Variants in ZFAND3 observed in about 807,000 individuals in gnomAD.
The protein encoded by ZFAND3 is AN1-type zinc finger protein 3.
In ZFAND3, 10 loss-of-function variants were observed where a neutral mutation model predicts 29.6. The observed-to-expected ratio is 0.34, with a 90% CI of 0.21 to 0.57. The LOEUF is 0.57. Among genes scored for constraint, ZFAND3 ranks in the 20% least tolerant of loss-of-function variants. The probability of loss-of-function intolerance (pLI) is 0.86; values close to 1 mark genes in which losing one functional copy is unlikely to be tolerated. For synonymous variants in ZFAND3, 128 were observed against 112.6 expected (o/e 1.14, Z -0.87); for missense variants, 230 against 304.5 (o/e 0.76, Z 1.82).
At chr6:38,003,691 A>C in intron 2 of ZFAND3, 2 of 304,212 alleles carry the variant, frequency 6.6e-6, no homozygotes, top group Non-Finnish European at 1.3e-5. Context: ...TTTTTTGTAG[A>C]GACGGGGTTT....
intron 3 of ZFAND3, among the ~76,000 whole-genome samples, chr6:38,065,489 A>T (rs1289105892): frequency 6.6e-6 from 1 of 152,240 alleles, no homozygotes; most frequent in East Asian, 1.9e-4. Flanking sequence ...TAATAATGTT[A>T]GCTCACATTT....
rs780272611 is a variant in ZFAND3 at position 38,010,296 on chromosome 6, A to T, written c.113-51297A>T. The stretch of plus-strand genomic sequence containing the variant: ...GTACGCAGAAAAAAAACAGGTGTGC[A>T]TGGGGAGAAGGTGTGAACCATATAG... On this transcript the variant is annotated intron_variant, in intron 2 of 5. Coordinates refer to ENST00000287218, the MANE Select transcript of ZFAND3 (RefSeq NM_021943.3). Among the ~76,000 whole-genome samples the T allele has an allele frequency of 3.3e-5, 5 of 152,192 alleles. No homozygotes were observed. The East Asian group carries it at 9.6e-4, about 29-fold the overall frequency.
At chr6:38,045,702 G>A (rs1763889533) in intron 2 of ZFAND3, among the ~76,000 whole-genome samples, 1 of 152,042 alleles carries the variant, frequency 6.6e-6, no homozygotes, top group Admixed American at 6.6e-5. Flanking sequence ...GAGTAGTTGA[G>A]TAAAAAATAT....
intron 5 of ZFAND3, among the ~76,000 whole-genome samples, chr6:38,119,930 G>A (rs548401452): frequency 6.6e-6 from 1 of 152,254 alleles, no homozygotes; most frequent in Admixed American, 6.5e-5. Context: ...TTTTGAATAC[G>A]AATTCTCCTC....
Position 37,927,496 on chromosome 6 carries a change from T to C in ZFAND3, c.72-2463T>C, listed in dbSNP as rs575024324. Reference sequence around the variant, plus strand: ...ATCCCAATATTCCAACAATAGAGAATGTTCTGCAAACTACAGATGTGTGTA... The same window carrying C: ...ATCCCAATATTCCAACAATAGAGAACGTTCTGCAAACTACAGATGTGTGTA... On this transcript the variant is annotated intron_variant, in intron 1 of 5. Transcript: ENST00000287218. Among the ~76,000 whole-genome samples the C allele has an allele frequency of 2.6e-5, 4 of 152,346 alleles. No individual in the cohort carries two copies. In the East Asian group the frequency reaches 7.7e-4, roughly 29 times the overall value.
chr6:38,047,594 C>T (rs1216174768), intron 2 of ZFAND3, among the ~76,000 whole-genome samples: 2 of 152,230 alleles, frequency 1.3e-5, no homozygotes, highest in East Asian at 3.8e-4. Context: ...TCATACTTCC[C>T]TGTCCTGATC....
At chr6:37,847,191 G>C (rs780475668) in intron 1 of ZFAND3, among the ~76,000 whole-genome samples, 2 of 152,144 alleles carry the variant, frequency 1.3e-5, no homozygotes, top group Non-Finnish European at 2.9e-5. Context: ...ACATGTGAAA[G>C]TTACTTTTTA....
chr6:38,149,721 T>A (rs1266372655), intron 5 of ZFAND3, among the ~76,000 whole-genome samples: 1 of 152,164 alleles, frequency 6.6e-6, no homozygotes, highest in Non-Finnish European at 1.5e-5. Context: ...AGATGTAGCA[T>A]TTCCCTTCCA....
At chr6:37,983,489 A>G (rs1358987927) in intron 2 of ZFAND3, among the ~76,000 whole-genome samples, 1 of 150,918 alleles carries the variant, frequency 6.6e-6, no homozygotes, top group Non-Finnish European at 1.5e-5. Flanking sequence ...CCTCCCAGGT[A>G]GCTGGGATTA....
At chr6:38,084,942 C>T (rs1217737625) in intron 4 of ZFAND3, among the ~76,000 whole-genome samples, 1 of 152,186 alleles carries the variant, frequency 6.6e-6, no homozygotes, top group East Asian at 1.9e-4. Flanking sequence ...CTGCCTCAGC[C>T]TTAAATATTG....
chr6:37,937,676 CA>C lies in ZFAND3; in HGVS notation c.112+7684del, dbSNP rs985987133. Among the ~76,000 whole-genome samples, 4 of 88,200 alleles carry C rather than the reference CA, an allele frequency of 4.5e-5. No individual in the cohort carries two copies. In the East Asian group the frequency reaches 1.3e-3, roughly 29 times the overall value. 57.9% of individuals were successfully genotyped at this position (88,200 alleles called of 152,430 possible). On this transcript the variant is annotated intron_variant, in intron 2 of 5. Transcript: ENST00000287218. ...CTCAAAAAAAAAAAAAAAAAAAAGG[CA>C]AAAAAAGTAACTGCTGCTCTTAAGA...
At chr6:37,869,534 A>G (rs1246057318) in intron 1 of ZFAND3, among the ~76,000 whole-genome samples, 1 of 147,254 alleles carries the variant, frequency 6.8e-6, no homozygotes, top group African/African-American at 2.5e-5. Context: ...TTTTTGAGAT[A>G]GGGTCTTGCT....
intron 1 of ZFAND3, among the ~76,000 whole-genome samples, chr6:37,918,469 C>G (rs1317971993): frequency 6.6e-6 from 1 of 152,096 alleles, no homozygotes; most frequent in East Asian, 1.9e-4. Context: ...GCCTGTTTAA[C>G]CTTGTAGTTT....
chr6:38,028,239 C>T (rs774614161), intron 2 of ZFAND3, among the ~76,000 whole-genome samples: 7 of 152,150 alleles, frequency 4.6e-5, no homozygotes, highest in Admixed American at 1.3e-4. Flanking sequence ...ATGTGGCATA[C>T]TTGTACAAGA....
intron 2 of ZFAND3, among the ~76,000 whole-genome samples, chr6:37,994,767 G>C (rs1479273958): frequency 1.3e-5 from 2 of 152,284 alleles, no homozygotes; most frequent in Middle Eastern, 3.4e-3. Flanking sequence ...AAACAATGAA[G>C]ATTTACCAAG....
At chr6:38,075,430 A>G (rs1023401825) in intron 3 of ZFAND3, among the ~76,000 whole-genome samples, 5 of 152,222 alleles carry the variant, frequency 3.3e-5, no homozygotes, top group Non-Finnish European at 7.3e-5. Context: ...CAAGAGGAGT[A>G]GAATTAGAAG....
chr6:38,031,636 T>A (rs927104958), intron 2 of ZFAND3, among the ~76,000 whole-genome samples: 3 of 152,228 alleles, frequency 2.0e-5, no homozygotes, highest in African/African-American at 7.2e-5. Context: ...AGCAAATTTC[T>A]TAACCTCTAG....
At chr6:37,845,235 A>G (rs987763166) in intron 1 of ZFAND3, among the ~76,000 whole-genome samples, 4 of 152,154 alleles carry the variant, frequency 2.6e-5, no homozygotes, top group African/African-American at 9.7e-5. Context: ...GTGACTGGCA[A>G]GTGGCAATCT....
chr6:37,976,398 A>G lies in ZFAND3; in HGVS notation c.112+46399A>G, dbSNP rs546215867. Among the ~76,000 whole-genome samples the G allele has an allele frequency of 4.6e-5, 7 of 152,166 alleles. 1 individual carries two copies. The South Asian group carries it at 1.5e-3, about 32-fold the overall frequency. ...GGAGTTTGAGACCAGACTGACCAAC[A>G]TGGTGAAACCCTGTCTCTACCAAAA... On this transcript the variant is annotated intron_variant, in intron 2 of 5. Coordinates refer to ENST00000287218, the MANE Select transcript of ZFAND3 (RefSeq NM_021943.3).
Sources: allele counts gnomAD v4.1 joint callset (sites outside exome capture counted in the v4.1 genomes callset), GRCh38; gene constraint gnomAD v4.1.1; transcripts MANE v1.5; gene names NCBI Gene and HGNC (gene_info 2026-07-23, HGNC 2026-07-21).